Variants in GABRB1 observed in about 807,000 individuals in gnomAD.
The protein encoded by GABRB1 is gamma-aminobutyric acid receptor subunit beta-1.
In GABRB1, 17 loss-of-function variants were observed where a neutral mutation model predicts 51.6. That is an observed-to-expected ratio of 0.33 (90% confidence interval 0.23 to 0.49). The LOEUF is 0.49. Among genes scored for constraint, GABRB1 ranks in the 20% least tolerant of loss-of-function variants. GABRB1 has a pLI of 0.99. For missense variants in GABRB1, 410 were observed against 600.6 expected (o/e 0.68, Z 3.32); for synonymous variants, 247 against 218.9 (o/e 1.13, Z -1.14).
intron 5 of GABRB1, among the ~76,000 whole-genome samples, chr4:47,348,511 A>T (rs1203391449): frequency 6.6e-6 from 1 of 152,158 alleles, no homozygotes; most frequent in Non-Finnish European, 1.5e-5. Flanking sequence ...TGAAACACAA[A>T]TGGATTTTGT....
At chr4:47,082,506 CTA>C (rs1727893022) in intron 3 of GABRB1, among the ~76,000 whole-genome samples, 1 of 152,048 alleles carries the variant, frequency 6.6e-6, no homozygotes, top group Non-Finnish European at 1.5e-5. Context: ...AACTTTCTCA[CTA>C]TGTCATTCTC....
chr4:47,060,352 G>T (rs909471166), intron 3 of GABRB1, among the ~76,000 whole-genome samples: 2 of 152,110 alleles, frequency 1.3e-5, no homozygotes, highest in East Asian at 3.9e-4. Context: ...AAGTAAAGAG[G>T]TGTCATATGC....
At chr4:47,168,316 G>T (rs527506705) in intron 4 of GABRB1, among the ~76,000 whole-genome samples, 1 of 152,188 alleles carries the variant, frequency 6.6e-6, no homozygotes, top group Admixed American at 6.5e-5. Flanking sequence ...CTCATAATTT[G>T]TTACTTCTTT....
chr4:47,040,561 C>A (rs1442931633), intron 3 of GABRB1, among the ~76,000 whole-genome samples: 1 of 152,064 alleles, frequency 6.6e-6, no homozygotes, highest in Non-Finnish European at 1.5e-5. Context: ...GAGCACCACA[C>A]CATCTCTTTC....
At chr4:47,133,702 GT>G (rs1414869541) in intron 3 of GABRB1, among the ~76,000 whole-genome samples, 1 of 152,150 alleles carries the variant, frequency 6.6e-6, no homozygotes, top group Non-Finnish European at 1.5e-5. Flanking sequence ...CAGGTTACGT[GT>G]TTTTAGCAGG....
At chr4:47,273,172 C>T (rs1217039985) in intron 4 of GABRB1, among the ~76,000 whole-genome samples, 1 of 152,166 alleles carries the variant, frequency 6.6e-6, no homozygotes, top group Non-Finnish European at 1.5e-5. Flanking sequence ...AATTTCTGTG[C>T]TGTATTCTTG....
At chr4:47,118,621 A>T (rs1188201109) in intron 3 of GABRB1, among the ~76,000 whole-genome samples, 1 of 152,150 alleles carries the variant, frequency 6.6e-6, no homozygotes, top group Non-Finnish European at 1.5e-5. Flanking sequence ...ACCGCGGATG[A>T]AATACTTCCT....
chr4:47,168,060 A>G (rs1174719682), intron 4 of GABRB1, among the ~76,000 whole-genome samples: 1 of 152,218 alleles, frequency 6.6e-6, no homozygotes, highest in Non-Finnish European at 1.5e-5. Context: ...CATACATTGT[A>G]AGTATATACA....
At chr4:47,074,008 C>T (rs1247547253) in intron 3 of GABRB1, among the ~76,000 whole-genome samples, 1 of 152,096 alleles carries the variant, frequency 6.6e-6, no homozygotes, top group Non-Finnish European at 1.5e-5. Context: ...AATATCAAGC[C>T]ATCATTGGAT....
At chr4:47,172,988 C>T (rs1347086481) in intron 4 of GABRB1, among the ~76,000 whole-genome samples, 2 of 152,044 alleles carry the variant, frequency 1.3e-5, no homozygotes, top group Non-Finnish European at 2.9e-5. Flanking sequence ...CCACCTGTAA[C>T]AAAACCACAA....
chr4:47,344,061 G>A (rs6837135), intron 5 of GABRB1, among the ~76,000 whole-genome samples: 55,697 of 151,924 alleles, frequency 0.37, 10,409 homozygotes, highest in South Asian at 0.47. Flanking sequence ...GCATAATAAA[G>A]GAAAGCAATT....
chr4:47,390,608 G>A (rs1727951295), intron 5 of GABRB1, among the ~76,000 whole-genome samples: 1 of 152,120 alleles, frequency 6.6e-6, no homozygotes, highest in South Asian at 2.1e-4. Context: ...GGGCTGAAAG[G>A]AAATTTCAAG....
At chr4:47,022,626 C>CCCCAG (rs2109453787) in intron 1 of GABRB1, among the ~76,000 whole-genome samples, 1 of 152,072 alleles carries the variant, frequency 6.6e-6, no homozygotes, top group African/African-American at 2.4e-5. Context: ...GTTAAAATAG[C>CCCCAG]TTAGATCCAA....
intron 8 of GABRB1, among the ~76,000 whole-genome samples, chr4:47,423,210 C>T (rs1729146001): frequency 6.6e-6 from 1 of 151,908 alleles, no homozygotes; most frequent in African/African-American, 2.4e-5. Flanking sequence ...ATCATTTTTA[C>T]ACTATTGAGT....
At chr4:47,361,044 T>C (rs1476421565) in intron 5 of GABRB1, among the ~76,000 whole-genome samples, 1 of 152,138 alleles carries the variant, frequency 6.6e-6, no homozygotes, top group Non-Finnish European at 1.5e-5. Context: ...AAGATCAAAC[T>C]GCTACTGGAT....
upstream of GABRB1, among the ~76,000 whole-genome samples, chr4:47,027,404 A>G (rs557308821): frequency 6.6e-6 from 1 of 151,848 alleles, no homozygotes; most frequent in East Asian, 1.9e-4. Context: ...TACTTGGCTT[A>G]TTACATGATA....
intron 4 of GABRB1, among the ~76,000 whole-genome samples, chr4:47,248,787 T>C (rs1481335542): frequency 1.3e-5 from 2 of 152,136 alleles, no homozygotes. Flanking sequence ...TTCTAGTTTA[T>C]GTACACAAAG....
At chr4:47,347,127 A>T (rs894833712) in intron 5 of GABRB1, among the ~76,000 whole-genome samples, 4 of 151,842 alleles carry the variant, frequency 2.6e-5, no homozygotes, top group Non-Finnish European at 4.4e-5. Context: ...ACTAAACATA[A>T]AAAAATTAGC....
At chr4:46,995,572 C>G (rs1236830411) in intron 1 of GABRB1, among the ~76,000 whole-genome samples, 2 of 152,068 alleles carry the variant, frequency 1.3e-5, no homozygotes, top group Non-Finnish European at 2.9e-5. Context: ...GCGATGTCAC[C>G]AGGCTACCCT....
Sources: allele counts gnomAD v4.1 joint callset (sites outside exome capture counted in the v4.1 genomes callset), GRCh38; gene constraint gnomAD v4.1.1; transcripts MANE v1.5; gene names NCBI Gene and HGNC (gene_info 2026-07-23, HGNC 2026-07-21).